C3orf20: variants seen among roughly 807,000 people sequenced by gnomAD.
The protein encoded by C3orf20 is uncharacterized protein C3orf20.
Under a neutral mutation model 88.3 loss-of-function variants are expected in C3orf20, and 76 were observed. That is an observed-to-expected ratio of 0.86 (90% confidence interval 0.72 to 1.04). C3orf20 has a LOEUF of 1.04. C3orf20 is among the 50% of genes least tolerant of loss of function. The pLI, the probability that C3orf20 is intolerant of heterozygous loss-of-function variation, is 0.00. For synonymous variants in C3orf20, 436 were observed against 437.4 expected, an observed-to-expected ratio of 1.00 and a Z score of 0.04; for missense variants, 1,056 against 1,123.3, an observed-to-expected ratio of 0.94 and a Z score of 0.86.
rs1253483937 is a variant in C3orf20 at position 14,714,029 on chromosome 3, G to A, written c.1183G>A (p.Val395Ile). 7 of 1,613,974 alleles carry A rather than the reference G, an allele frequency of 4.3e-6. No homozygotes were observed. Among genetic ancestry groups the A allele is most frequent in the Admixed American group, 3.3e-5 (2 of 59,996 alleles). ...CAGCTATCCCTCTGGAAACGTCGCT[G>A]TATGTCAGATCCCCACATGCTGCAG... ...FVYYPSGNVA[V>I]CQIPTCCRGR... Residue 395 changes from valine to isoleucine, a missense_variant, in exon 8 of 17, where the codon GTA becomes ATA. Transcript: ENST00000253697.
intron 7 of C3orf20, 59 bp from the exon 8 acceptor site, chr3:14,713,948 A>T (rs1003112995): frequency 2.1e-4 from 342 of 1,594,228 alleles, no homozygotes; most frequent in Middle Eastern, 3.7e-4. Flanking sequence ...CTTCAATGGG[A>T]CAACTGAGAG....
chr3:14,756,755 G>A (rs1480978893), intron 12 of C3orf20, among the ~76,000 whole-genome samples: 1 of 152,230 alleles, frequency 6.6e-6, no homozygotes, highest in Admixed American at 6.5e-5. Context: ...GAGATGTAAG[G>A]AGGATGAAAT....
At chr3:14,721,410 C>T (rs1015852585) in intron 9 of C3orf20, among the ~76,000 whole-genome samples, 5 of 152,208 alleles carry the variant, frequency 3.3e-5, no homozygotes, top group African/African-American at 7.2e-5. Context: ...GGGTTTCATG[C>T]TTGAGTTGGA....
intron 14 of C3orf20, 129 bp from the exon 15 acceptor site, chr3:14,761,344 G>T (rs1384355685): frequency 9.0e-7 from 1 of 1,116,800 alleles, no homozygotes; most frequent in African/African-American, 1.5e-5. Context: ...CCCCAGGCCT[G>T]CCTCACGGCG....
intron 12 of C3orf20, among the ~76,000 whole-genome samples, chr3:14,742,147 G>A (rs533015910): frequency 1.3e-5 from 2 of 152,282 alleles, no homozygotes; most frequent in East Asian, 3.9e-4. Flanking sequence ...TTGCCATTAC[G>A]TTTAATGACA....
chr3:14,724,793 C>T (rs2034290871), intron 10 of C3orf20, among the ~76,000 whole-genome samples: 1 of 152,086 alleles, frequency 6.6e-6, no homozygotes, highest in Non-Finnish European at 1.5e-5. Context: ...ACATGTAGCT[C>T]ACATTATATT....
At chr3:14,685,635 GTTTGTACCC>G (rs1470856386) in intron 4 of C3orf20, among the ~76,000 whole-genome samples, 1 of 151,950 alleles carries the variant, frequency 6.6e-6, no homozygotes, top group African/African-American at 2.4e-5. Context: ...ATAAGTGAAA[GTTTGTACCC>G]TTTGACTAAT....
chr3:14,741,864 C>T (rs570572735), intron 12 of C3orf20, among the ~76,000 whole-genome samples: 101 of 152,212 alleles, frequency 6.6e-4, no homozygotes, highest in African/African-American at 2.3e-3. Context: ...TGGTGGGTTA[C>T]GTAGAAATTT....
chr3:14,711,025 C>T (rs1168725891), intron 7 of C3orf20, among the ~76,000 whole-genome samples: 2 of 152,018 alleles, frequency 1.3e-5, no homozygotes, highest in Non-Finnish European at 2.9e-5. Flanking sequence ...TCCTGAGTAG[C>T]TGGGATTACA....
intron 12 of C3orf20, among the ~76,000 whole-genome samples, chr3:14,751,408 A>C (rs1001447621): frequency 6.6e-6 from 1 of 152,214 alleles, no homozygotes; most frequent in Non-Finnish European, 1.5e-5. Flanking sequence ...AAGCTAAAGC[A>C]GGGCAGGGTG....
At chr3:14,764,497 T>TATTATA (rs1314585583) in intron 15 of C3orf20, among the ~76,000 whole-genome samples, 2 of 149,508 alleles carry the variant, frequency 1.3e-5, no homozygotes, top group Admixed American at 1.3e-4. Flanking sequence ...TTATTATTAT[T>TATTATA]ATTATTATTA....
intron 7 of C3orf20, among the ~76,000 whole-genome samples, chr3:14,707,991 T>A (rs1031390499): frequency 1.4e-4 from 22 of 152,084 alleles, no homozygotes; most frequent in African/African-American, 5.1e-4. Context: ...ACTAATTTTG[T>A]ATTTTTAGTA....
rs375332414 is a variant in C3orf20, at chr3:14,734,679, G to A, written c.1940+5991G>A. Reference sequence around the variant, plus strand: ...ATATTCTGCAGTTTTTTGATACAGCGTTTTATAAATGTCAGGTCAAATTTA... The same window carrying A: ...ATATTCTGCAGTTTTTTGATACAGCATTTTATAAATGTCAGGTCAAATTTA... On this transcript the variant is annotated intron_variant, in intron 12 of 16. Transcript: ENST00000253697. Among the ~76,000 whole-genome samples the A allele has an allele frequency of 4.7e-4, 71 of 152,076 alleles. 1 individual carries two copies. In the South Asian group the frequency reaches 9.1e-3, roughly 20 times the overall value.
chr3:14,751,070 T>C (rs948550007), intron 12 of C3orf20, among the ~76,000 whole-genome samples: 1 of 152,212 alleles, frequency 6.6e-6, no homozygotes, highest in Admixed American at 6.5e-5. Flanking sequence ...TCTGCCTGCT[T>C]AGATCTATCA....
chr3:14,729,691 A>G (rs1263401589), intron 12 of C3orf20, among the ~76,000 whole-genome samples: 1 of 152,078 alleles, frequency 6.6e-6, no homozygotes, highest in Admixed American at 6.5e-5. Context: ...GACAACAGGC[A>G]TGCACCACCA....
Position 14,704,356 on chromosome 3 carries a change from T to G in C3orf20, c.898T>G (p.Trp300Gly), listed in dbSNP as rs753828172. ...CRHIEAERATWKGRNISYPMI... is the reference protein window; with the variant it reads ...CRHIEAERATGKGRNISYPMI... ...CTGCAGAGAAGCTGAAAGGGCCACA[T>G]GGAAAGGGAGGAATATCTCCTACCC... is the stretch of plus-strand genomic sequence containing the variant. The change falls in exon 7 of 17, where the codon TGG becomes GGG. Residue 300 changes from tryptophan (W) to glycine (G), a missense_variant. Physicochemically the swap from Trp to Gly is radical, Grantham distance 184. Coordinates refer to ENST00000253697, the MANE Select transcript of C3orf20 (RefSeq NM_032137.5). The G allele has an allele frequency of 6.2e-7, 1 of 1,613,996 alleles. No individual in the cohort carries two copies. The highest frequency in any genetic ancestry group is 1.7e-5 in the Admixed American group (1 of 60,010).
At chr3:14,742,811 G>A (rs1260957356) in intron 12 of C3orf20, among the ~76,000 whole-genome samples, 3 of 152,134 alleles carry the variant, frequency 2.0e-5, no homozygotes, top group East Asian at 3.9e-4. Flanking sequence ...AGAAAACGAG[G>A]AAGAAGCAAA....
At chr3:14,730,408 G>A (rs1486609574) in intron 12 of C3orf20, among the ~76,000 whole-genome samples, 1 of 152,112 alleles carries the variant, frequency 6.6e-6, no homozygotes, top group Non-Finnish European at 1.5e-5. Flanking sequence ...TTAGCCGGGT[G>A]TGGTGGTGGG....
At chr3:14,762,976 G>A (rs1473610018) in intron 15 of C3orf20, among the ~76,000 whole-genome samples, 4 of 152,228 alleles carry the variant, frequency 2.6e-5, no homozygotes, top group Admixed American at 2.6e-4. Context: ...GTAAGGAGGA[G>A]CAGATGCTGA....
Sources: gnomAD v4.1 joint callset for allele counts (sites outside exome capture counted in the v4.1 genomes callset) on GRCh38, gnomAD v4.1.1 for gene constraint, MANE v1.5 for transcripts, NCBI Gene and HGNC (gene_info 2026-07-23, HGNC 2026-07-21) for gene names.